The following LRIF1 variants were observed in gnomAD, a reference collection of about 807,000 sequenced individuals.
LRIF1 encodes the protein ligand-dependent nuclear receptor-interacting factor 1.
LRIF1 carries 32 observed loss-of-function variants against 52.7 expected under a neutral mutation model. That is an observed-to-expected ratio of 0.61 (90% CI 0.46 to 0.82). The LOEUF (loss-of-function observed/expected upper bound fraction) is 0.82. Ranked by LOEUF, LRIF1 falls within the 40% of genes least tolerant of loss-of-function variation. The probability of loss-of-function intolerance (pLI) is 0.00; values close to 1 mark genes in which losing one functional copy is unlikely to be tolerated. For missense variants in LRIF1, 887 were observed against 892.0 expected, an observed-to-expected ratio of 0.99 and a Z score of 0.07; for synonymous variants, 323 against 317.4, an observed-to-expected ratio of 1.02 and a Z score of -0.19.
At chr1:110,915,383 G>A in the LRIF1 span, among the ~76,000 whole-genome samples, 2 of 152,196 alleles carry the variant, frequency 1.3e-5, no homozygotes, top group East Asian at 1.9e-4. Flanking sequence ...AGCTATTCGG[G>A]AGGCTGAGGC....
At chr1:110,886,590 T>C in the LRIF1 span, among the ~76,000 whole-genome samples, 1 of 152,066 alleles carries the variant, frequency 6.6e-6, no homozygotes, top group South Asian at 2.1e-4. Flanking sequence ...GGCTCACACC[T>C]GTAATCCCAG....
At chr1:110,911,376 G>GA in the LRIF1 span, among the ~76,000 whole-genome samples, 2 of 151,958 alleles carry the variant, frequency 1.3e-5, no homozygotes, top group East Asian at 1.9e-4. Flanking sequence ...CTATCAACCA[G>GA]AAAAAGCCCT....
At chr1:110,959,585 A>G (rs762029920) in intron 1 of LRIF1, among the ~76,000 whole-genome samples, 9 of 151,988 alleles carry the variant, frequency 5.9e-5, no homozygotes, top group Non-Finnish European at 1.3e-4. Context: ...CCCCGTCTCT[A>G]CTAAAAATAC....
chr1:110,933,758 A>G, the LRIF1 span, among the ~76,000 whole-genome samples: 1 of 152,176 alleles, frequency 6.6e-6, no homozygotes, highest in African/African-American at 2.4e-5. Context: ...AAGGCAGTCC[A>G]GGCTATAAGG....
At chr1:110,946,571 G>T (rs193138178), downstream of LRIF1, among the ~76,000 whole-genome samples, 68 of 148,196 alleles carry the variant, frequency 4.6e-4, 1 homozygote, top group East Asian at 0.013. Flanking sequence ...CTTCTTTACA[G>T]TATTTTCTGA....
the LRIF1 span, among the ~76,000 whole-genome samples, chr1:110,898,752 G>T: frequency 6.6e-6 from 1 of 152,106 alleles, no homozygotes; most frequent in Admixed American, 6.5e-5. Flanking sequence ...CAATCAGGAA[G>T]CTCAGAGAAA....
the LRIF1 span, among the ~76,000 whole-genome samples, chr1:110,882,374 TA>T: frequency 6.6e-6 from 1 of 152,120 alleles, no homozygotes; most frequent in African/African-American, 2.4e-5. Context: ...ATTAATTTTG[TA>T]TTTTTTTTGA....
At chr1:110,954,374 G>T (rs1658608762) in intron 1 of LRIF1, among the ~76,000 whole-genome samples, 1 of 151,976 alleles carries the variant, frequency 6.6e-6, no homozygotes, top group Admixed American at 6.6e-5. Flanking sequence ...TCCACCTCCT[G>T]GGCTCAAGCT....
chr1:110,886,875 T>A, the LRIF1 span, among the ~76,000 whole-genome samples: 2 of 86,784 alleles, frequency 2.3e-5, no homozygotes, highest in African/African-American at 3.2e-5. Context: ...ATATATTTTT[T>A]TTTTCTGTCT....
chr1:110,901,459 A>G, the LRIF1 span, among the ~76,000 whole-genome samples: 2 of 139,760 alleles, frequency 1.4e-5, no homozygotes, highest in Non-Finnish European at 3.1e-5. Context: ...TACAGGTGTG[A>G]GCCACCTCGC....
intron 1 of LRIF1, among the ~76,000 whole-genome samples, chr1:110,954,549 CAAAGA>C (rs1337861122): frequency 6.6e-6 from 1 of 152,092 alleles, no homozygotes; most frequent in East Asian, 1.9e-4. Context: ...AGAATAAACC[CAAAGA>C]AAAGGATGAA....
chr1:110,877,523 C>G, the LRIF1 span, among the ~76,000 whole-genome samples: 1 of 152,178 alleles, frequency 6.6e-6, no homozygotes, highest in Non-Finnish European at 1.5e-5. Context: ...GAGTCCCTGT[C>G]CCACCTCAGC....
intron 1 of LRIF1, among the ~76,000 whole-genome samples, chr1:110,955,832 G>C (rs751648865): frequency 2.7e-4 from 41 of 152,190 alleles, no homozygotes; most frequent in Non-Finnish European, 4.9e-4. Flanking sequence ...CAGAACATAT[G>C]TAAATACTCA....
At chr1:110,911,205 C>G in the LRIF1 span, among the ~76,000 whole-genome samples, 1 of 151,854 alleles carries the variant, frequency 6.6e-6, no homozygotes, top group Non-Finnish European at 1.5e-5. Context: ...AACCTGGAGA[C>G]TATTATGAAC....
the LRIF1 span, chr1:110,899,426 T>C: frequency 2.2e-6 from 1 of 444,458 alleles, no homozygotes; most frequent in Non-Finnish European, 4.1e-6. Flanking sequence ...CTCAAAGTGG[T>C]GAAACTAATA....
chr1:110,899,207 C>T, the LRIF1 span: 1,160,038 of 1,597,620 alleles, frequency 0.73, 429,419 homozygotes, highest in Non-Finnish European at 0.76. Context: ...CTGCAGTAGT[C>T]CTGTGGTGAA....
chr1:110,909,165 A>C, the LRIF1 span, among the ~76,000 whole-genome samples: 2 of 152,218 alleles, frequency 1.3e-5, no homozygotes, highest in Non-Finnish European at 2.9e-5. Flanking sequence ...CATTTCAGGC[A>C]AGCAAATGTT....
chr1:110,951,605 T>G lies in LRIF1; in HGVS notation c.1279A>C (p.Lys427Gln). The change falls in exon 2 of 4, where the codon AAA becomes CAA. Residue 427 changes from lysine to glutamine, a missense_variant. Coordinates refer to ENST00000369763, the MANE Select transcript of LRIF1 (RefSeq NM_018372.4). ...GCAAGCTGGGTATTGGAAAGTGATT[T>G]TGTCTCCATCTGGGAAGATTTACTT... ...AKSKSSQMET[K>Q]SLSNTQLASM... 1 of 1,614,146 alleles carries G rather than the reference T, an allele frequency of 6.2e-7. No individual in the cohort carries two copies. The highest frequency in any genetic ancestry group is 1.7e-5 in the Admixed American group (1 of 60,028).
the LRIF1 span, among the ~76,000 whole-genome samples, chr1:110,905,152 A>G: frequency 6.6e-6 from 1 of 152,210 alleles, no homozygotes; most frequent in Non-Finnish European, 1.5e-5. Context: ...TAACCTCAGA[A>G]GGGCAAATTT....
Sources: allele counts gnomAD v4.1 joint callset (sites outside exome capture counted in the v4.1 genomes callset), GRCh38; gene constraint gnomAD v4.1.1; transcripts MANE v1.5; gene names NCBI Gene and HGNC (gene_info 2026-07-23, HGNC 2026-07-21).